VRTN: variants seen among roughly 807,000 people sequenced by gnomAD.
VRTN encodes vertnin.
A neutral mutation model predicts 18.2 loss-of-function variants in VRTN; 5 were observed. That is an observed-to-expected ratio of 0.27 (90% CI 0.14 to 0.58). VRTN has a LOEUF of 0.58. Among genes scored for constraint, VRTN ranks in the 20% least tolerant of loss-of-function variants. The pLI is 0.91. For synonymous variants in VRTN, 381 were observed against 393.7 expected (o/e 0.97, Z 0.38); for missense variants, 741 against 939.4 (o/e 0.79, Z 2.76).
chr14:74,337,774 C>G (rs920550517), exon 2 of VRTN: 1 of 152,122 alleles, frequency 6.6e-6, no homozygotes, highest in African/African-American at 2.4e-5. Flanking sequence ...CCAAAGGCAC[C>G]TATCAAAGAC....
rs2085494198 is a variant in VRTN, at chr14:74,327,299, G to A, written c.-163-10424G>A. Among the ~76,000 whole-genome samples, 3 of 152,254 alleles carry A rather than the reference G, an allele frequency of 2.0e-5. No homozygotes were observed. In the South Asian group the frequency reaches 6.2e-4, roughly 32 times the overall value. On this transcript the variant is annotated intron_variant, in intron 1 of 2. Coordinates refer to the VRTN transcript ENST00000557177. ...ACAGTAGTGACAGGATGTGAATCCA[G>A]GTCTTCCCCACCTGCCACCTTGAGT...
chr14:74,321,438 G>C (rs1185362052), intron 1 of VRTN, among the ~76,000 whole-genome samples: 1 of 152,014 alleles, frequency 6.6e-6, no homozygotes, highest in Non-Finnish European at 1.5e-5. Context: ...GGGCTAGTAA[G>C]TGGGGGAACT....
At chr14:74,321,667 C>T (rs1319326111) in intron 1 of VRTN, among the ~76,000 whole-genome samples, 1 of 151,646 alleles carries the variant, frequency 6.6e-6, no homozygotes, top group African/African-American at 2.4e-5. Context: ...ACCATGCCCG[C>T]TAATTTTTGT....
Position 74,357,434 on chromosome 14 carries a change from G to T in VRTN, c.651G>T (p.Thr217=). The T allele has an allele frequency of 6.2e-7, 1 of 1,612,280 alleles. No homozygotes were observed. Among genetic ancestry groups the T allele is most frequent in the South Asian group, 1.1e-5 (1 of 91,080 alleles). The change falls in exon 2 of 2, where the codon ACG becomes ACT. Residue 217 remains threonine (T), a synonymous_variant. Transcript: ENST00000256362. This position sits in a 1 kb window ranked among gnomAD's most constrained non-coding sequence, Gnocchi z 7.8. Reference sequence around the variant, plus strand: ...GCCGCTGCGACCACGTGCCCTCCACGCTGCACATCATGTGGGCTGGCCAGC... The same window carrying T: ...GCCGCTGCGACCACGTGCCCTCCACTCTGCACATCATGTGGGCTGGCCAGC... ...RPRRCDHVPS[T]LHIMWAGQPL... is the part of the protein sequence containing the mutation.
intron 1 of VRTN, among the ~76,000 whole-genome samples, chr14:74,320,946 G>A (rs1306922076): frequency 6.7e-6 from 1 of 149,240 alleles, no homozygotes; most frequent in Non-Finnish European, 1.5e-5. Flanking sequence ...CAGCAGCAAG[G>A]GTGGATCAAC....
At chr14:74,351,736 C>A (rs996307415) in intron 1 of VRTN, among the ~76,000 whole-genome samples, 2 of 152,064 alleles carry the variant, frequency 1.3e-5, no homozygotes, top group African/African-American at 4.8e-5. Flanking sequence ...CCACTTCAGC[C>A]TCCCAAAGTT....
intron 1 of VRTN, among the ~76,000 whole-genome samples, chr14:74,353,823 C>T (rs888983900): frequency 6.6e-6 from 1 of 151,846 alleles, no homozygotes; most frequent in African/African-American, 2.4e-5. Context: ...CCCGGGTTCA[C>T]GCCATTCTCC....
At chr14:74,331,228 A>AAACAAACAAACC in intron 1 of VRTN, among the ~76,000 whole-genome samples, 1 of 135,326 alleles carries the variant, frequency 7.4e-6, no homozygotes, top group Admixed American at 7.5e-5. Flanking sequence ...ATAAACAAAC[A>AAACAAACAAACC]AACAAACCAC....
At chr14:74,318,058 GC>G (rs1304384387) in intron 1 of VRTN, among the ~76,000 whole-genome samples, 2 of 152,178 alleles carry the variant, frequency 1.3e-5, no homozygotes, top group Non-Finnish European at 2.9e-5. Context: ...GTTCAAGGCT[GC>G]AGTGAGCTAT....
intron 1 of VRTN, among the ~76,000 whole-genome samples, chr14:74,333,315 G>A (rs543790517): frequency 3.9e-5 from 6 of 152,084 alleles, no homozygotes; most frequent in East Asian, 1.9e-4. Flanking sequence ...CCCAGAAGGC[G>A]GAGGTTGCAG....
At chr14:74,321,532 G>A (rs1470894596) in intron 1 of VRTN, among the ~76,000 whole-genome samples, 1 of 144,404 alleles carries the variant, frequency 6.9e-6, no homozygotes, top group Non-Finnish European at 1.5e-5. Context: ...TTGAGACAGA[G>A]TCTTGCTCTG....
intron 1 of VRTN, among the ~76,000 whole-genome samples, chr14:74,355,607 T>A (rs2140213903): frequency 6.6e-6 from 1 of 152,300 alleles, no homozygotes; most frequent in East Asian, 1.9e-4. Context: ...TGATCTCTAC[T>A]CAGTGCGGCC....
chr14:74,347,943 G>A (rs911211512), upstream of VRTN, among the ~76,000 whole-genome samples: 1 of 152,196 alleles, frequency 6.6e-6, no homozygotes, highest in Non-Finnish European at 1.5e-5. Flanking sequence ...AGAAAGTGGG[G>A]CCTTCCTGGA....
At chr14:74,356,135 A>G (rs2085725867) in intron 1 of VRTN, among the ~76,000 whole-genome samples, 1 of 151,900 alleles carries the variant, frequency 6.6e-6, no homozygotes, top group Non-Finnish European at 1.5e-5. Flanking sequence ...CCCAGCCAAC[A>G]TCTCTTTATT....
intron 2 of VRTN, among the ~76,000 whole-genome samples, chr14:74,342,666 C>T (rs7147289): frequency 6.6e-6 from 1 of 151,388 alleles, no homozygotes; most frequent in South Asian, 2.1e-4. Flanking sequence ...GAGACAGGGT[C>T]TCACTCTGTC....
At chr14:74,347,623 C>G (rs910046419), upstream of VRTN, among the ~76,000 whole-genome samples, 2 of 152,202 alleles carry the variant, frequency 1.3e-5, no homozygotes, top group Non-Finnish European at 2.9e-5. Flanking sequence ...GGCTGGAAAG[C>G]CCCTTGGGGG....
At position 74,358,638 on chromosome 14, in the gene VRTN, C is replaced by A. The variant is rs765572698; in HGVS notation, c.1855C>A (p.Pro619Thr). Residue 619 changes from proline (P) to threonine (T), a missense_variant, in exon 2 of 2, where the codon CCC becomes ACC. Pro to Thr is a conservative substitution (Grantham distance 38). Transcript: ENST00000256362. This position sits in a 1 kb window ranked among gnomAD's most constrained non-coding sequence, Gnocchi z 5.4. ...LQEGATAQGQ[P>T]HSGPLLSQPV... ...GGAGGGGGCCACAGCCCAGGGCCAG[C>A]CCCACAGTGGGCCCTTGCTGAGCCA... 1.2e-6 allele frequency: 2 copies of A among 1,608,174 alleles called. No individual in the cohort carries two copies. The highest frequency in any genetic ancestry group is 1.1e-5 in the South Asian group (1 of 89,852).
intron 2 of VRTN, among the ~76,000 whole-genome samples, chr14:74,339,803 A>T (rs891373146): frequency 6.6e-6 from 1 of 152,166 alleles, no homozygotes. Flanking sequence ...AACAGAGAAG[A>T]CCCTGTCTCA....
chr14:74,340,396 G>A (rs2140206351), intron 2 of VRTN, among the ~76,000 whole-genome samples: 1 of 152,116 alleles, frequency 6.6e-6, no homozygotes, highest in South Asian at 2.1e-4. Flanking sequence ...ACAGGCGTGA[G>A]CCACCGCGCC....
Sources: gnomAD v4.1 joint callset for allele counts (sites outside exome capture counted in the v4.1 genomes callset) on GRCh38, gnomAD v4.1.1 for gene constraint, Gnocchi (gnomAD v3.1) non-coding constraint, MANE v1.5 for transcripts, NCBI Gene and HGNC (gene_info 2026-07-23, HGNC 2026-07-21) for gene names.